The following DISP1 variants were observed in gnomAD, a reference collection of about 807,000 sequenced individuals.
DISP1 encodes protein dispatched homolog 1.
A neutral mutation model predicts 37.3 loss-of-function variants in DISP1; 30 were observed. That is an observed-to-expected ratio of 0.80 (90% CI 0.60 to 1.09). The LOEUF (loss-of-function observed/expected upper bound fraction) is 1.09. DISP1 is among the 50% of genes least tolerant of loss of function. The pLI is 0.00. For missense variants in DISP1, 1,598 were observed against 1,879.5 expected (o/e 0.85, Z 2.77); for synonymous variants, 634 against 690.2 (o/e 0.92, Z 1.28).
intron 3 of DISP1, among the ~76,000 whole-genome samples, chr1:222,974,975 A>G (rs1572669199): frequency 2.0e-5 from 3 of 152,360 alleles, no homozygotes; most frequent in Admixed American, 1.3e-4. Context: ...ACAGAAAGAC[A>G]GTATGATACA....
chr1:222,832,864 C>T (rs1400788513), intron 1 of DISP1, among the ~76,000 whole-genome samples: 1 of 151,984 alleles, frequency 6.6e-6, no homozygotes, highest in Non-Finnish European at 1.5e-5. Context: ...CCACTGCACT[C>T]CAGCTTTTGT....
chr1:222,889,338 A>C (rs1015737858), intron 1 of DISP1, among the ~76,000 whole-genome samples: 7 of 152,034 alleles, frequency 4.6e-5, no homozygotes, highest in African/African-American at 1.7e-4. Context: ...TTGTCTGCTG[A>C]ACTGATTGAG....
intron 3 of DISP1, among the ~76,000 whole-genome samples, chr1:222,981,402 T>G (rs73130640): frequency 0.016 from 2,376 of 152,332 alleles, 59 homozygotes; most frequent in African/African-American, 0.053. Context: ...TTGCAACTTC[T>G]GAGATTGTTC....
chr1:222,960,410 C>A (rs2102588952), intron 3 of DISP1, among the ~76,000 whole-genome samples: 1 of 152,206 alleles, frequency 6.6e-6, no homozygotes, highest in East Asian at 1.9e-4. Flanking sequence ...TCAAGAAGTT[C>A]TTTGAAACCA....
At chr1:222,836,524 T>G (rs1667085774) in intron 1 of DISP1, among the ~76,000 whole-genome samples, 1 of 152,144 alleles carries the variant, frequency 6.6e-6, no homozygotes, top group East Asian at 1.9e-4. Context: ...GAACCCAGGG[T>G]CTGTACTTGC....
chr1:222,983,157 C>A, intron 4 of DISP1, 48 bp downstream of exon 4: 1 of 1,353,322 alleles, frequency 7.4e-7, no homozygotes, highest in Non-Finnish European at 1.1e-6. Context: ...TACCTGCATG[C>A]TTTTTCCAGT....
intron 1 of DISP1, among the ~76,000 whole-genome samples, chr1:222,919,751 T>C (rs936206548): frequency 6.6e-6 from 1 of 152,226 alleles, no homozygotes; most frequent in African/African-American, 2.4e-5. Context: ...CAACTCCCTC[T>C]ACATTAGTGA....
Position 223,002,715 on chromosome 1 carries a change from A to G in DISP1, c.1318A>G (p.Lys440Glu), listed in dbSNP as rs776731383. 1 of 1,614,118 alleles carries G rather than the reference A, an allele frequency of 6.2e-7. No individual in the cohort carries two copies. Among genetic ancestry groups the G allele is most frequent in the Non-Finnish European group, 8.5e-7 (1 of 1,180,018 alleles). ...GGTGGACAAAGACTTTATGACCCCA[A>G]AGACGGCTGACTATGCCACGCCAGC... The part of the protein sequence containing the change: ...YLVDKDFMTP[K>E]TADYATPALK... The change falls in exon 9 of 9, where the codon AAG (lysine) becomes GAG (glutamate). Residue 440 changes from lysine (K) to glutamate (E), a missense_variant. Lys to Glu is a moderately conservative substitution (Grantham distance 56). Transcript: ENST00000675850.
chr1:222,988,025 G>A (rs960630425), intron 4 of DISP1, among the ~76,000 whole-genome samples: 3 of 152,116 alleles, frequency 2.0e-5, no homozygotes, highest in African/African-American at 7.2e-5. Flanking sequence ...TTTGCACAGG[G>A]TGTGTCCTAG....
chr1:222,888,363 A>G (rs1198410900), intron 1 of DISP1, among the ~76,000 whole-genome samples: 1 of 152,208 alleles, frequency 6.6e-6, no homozygotes, highest in African/African-American at 2.4e-5. Flanking sequence ...CATTATATAC[A>G]TTGAACAAAC....
chr1:222,824,948 TA>T (rs1316183558), intron 1 of DISP1, among the ~76,000 whole-genome samples: 1 of 152,214 alleles, frequency 6.6e-6, no homozygotes, highest in East Asian at 1.9e-4. Flanking sequence ...CATCTGCCGC[TA>T]CTGCAAAAAA....
At chr1:223,002,337 G>C (rs186417092) in intron 8 of DISP1, 48 bp from the exon 9 acceptor site, 1 of 1,562,984 alleles carries the variant, frequency 6.4e-7, no homozygotes, top group Admixed American at 1.7e-5. Flanking sequence ...GTGAACGATT[G>C]TGAACCAATT....
intron 1 of DISP1, among the ~76,000 whole-genome samples, chr1:222,910,324 T>C (rs1041116409): frequency 3.3e-5 from 5 of 152,112 alleles, no homozygotes; most frequent in Admixed American, 1.3e-4. Flanking sequence ...GATTGCACTA[T>C]GGCACTCCAG....
At chr1:222,906,962 A>G (rs1390883209) in intron 1 of DISP1, among the ~76,000 whole-genome samples, 2 of 152,222 alleles carry the variant, frequency 1.3e-5, no homozygotes, top group Non-Finnish European at 2.9e-5. Flanking sequence ...TTTAAGGTTA[A>G]TCATGGAAGA....
intron 1 of DISP1, among the ~76,000 whole-genome samples, chr1:222,828,419 C>T (rs1664945957): frequency 6.6e-6 from 1 of 152,180 alleles, no homozygotes; most frequent in African/African-American, 2.4e-5. Context: ...TCCTGAACCT[C>T]CTTCTGATAA....
intron 3 of DISP1, among the ~76,000 whole-genome samples, chr1:222,945,378 G>A (rs1674696630): frequency 6.6e-6 from 1 of 152,210 alleles, no homozygotes; most frequent in Admixed American, 6.5e-5. Context: ...TGTGTGAACA[G>A]TTGATTATTA....
intron 1 of DISP1, among the ~76,000 whole-genome samples, chr1:222,886,480 A>G (rs1003762487): frequency 6.6e-6 from 1 of 152,232 alleles, no homozygotes; most frequent in African/African-American, 2.4e-5. Context: ...CTCTATGAAG[A>G]TAAAGTTTAG....
At position 222,984,435 on chromosome 1, in the gene DISP1, T is replaced by TATATATATAGAG. The variant is rs67660273; in HGVS notation, c.539+1327_539+1328insTATATATAGAGA. 1.7e-3 allele frequency among the ~76,000 whole-genome samples: 180 copies of TATATATATAGAG among 108,362 alleles called. 2 individuals are homozygous for TATATATATAGAG. The highest frequency in any genetic ancestry group is 2.7e-3 in the African/African-American group (72 of 26,408). 71.1% of individuals were successfully genotyped at this position (108,362 alleles called of 152,430 possible). ...AAAAAAAAAAAAATATATATATATA[T>TATATATATAGAG]AGAGAGAGAGAGAGAGAGAGAGAGC... On this transcript the variant is annotated intron_variant, in intron 4 of 8. Coordinates refer to ENST00000675850, the MANE Select transcript of DISP1 (RefSeq NM_001377229.1).
rs760772361 is a variant in DISP1 at position 223,005,470 on chromosome 1, A to G, written c.4073A>G (p.His1358Arg). The part of the protein sequence containing the change: ...QNSLPRNFFL[H>R]PVQHIQAQEK... ...TCTCTGCCTAGGAATTTTTTCCTCC[A>G]CCCAGTGCAGCACATTCAGGCCCAA... Residue 1358 changes from histidine to arginine, a missense_variant, in exon 9 of 9, where the codon CAC becomes CGC. Physicochemically the swap from His to Arg is conservative, Grantham distance 29 (BLOSUM62 0). Transcript: ENST00000675850. 1.9e-6 allele frequency: 3 copies of G among 1,613,860 alleles called. No homozygotes were observed. The South Asian group carries it at 3.3e-5, about 18-fold the overall frequency.
Sources: allele counts gnomAD v4.1 joint callset (sites outside exome capture counted in the v4.1 genomes callset), GRCh38; gene constraint gnomAD v4.1.1; transcripts MANE v1.5; gene names NCBI Gene and HGNC (gene_info 2026-07-23, HGNC 2026-07-21).